Variants in RARS2 observed in about 807,000 individuals in gnomAD.
RARS2 encodes probable arginine--tRNA ligase, mitochondrial.
Under a neutral mutation model 88.5 loss-of-function variants are expected in RARS2, and 67 were observed. That is an observed-to-expected ratio of 0.76 (90% CI 0.62 to 0.93). RARS2 has a LOEUF of 0.93. Among genes scored for constraint, RARS2 ranks in the 40% least tolerant of loss-of-function variants. The pLI is 0.00. For missense variants in RARS2, 664 were observed against 684.2 expected (o/e 0.97, Z 0.33); for synonymous variants, 239 against 230.3 (o/e 1.04, Z -0.34).
intron 1 of RARS2, among the ~76,000 whole-genome samples, chr6:87,571,120 C>A (rs1019346310): frequency 1.3e-5 from 2 of 152,032 alleles, no homozygotes; most frequent in Non-Finnish European, 2.9e-5. Context: ...CTCCCATAAT[C>A]CCCACGTGTC....
chr6:87,589,853 C>T, intron 1 of RARS2, 69 bp downstream of exon 1: 2 of 1,613,922 alleles, frequency 1.2e-6, no homozygotes, highest in Non-Finnish European at 1.7e-6. Context: ...AGGACTGGCC[C>T]GCAGCGGTGA....
intron 8 of RARS2, among the ~76,000 whole-genome samples, chr6:87,538,673 G>A (rs1466328026): frequency 2.0e-5 from 3 of 151,904 alleles, no homozygotes; most frequent in Non-Finnish European, 2.9e-5. Context: ...GAGGTGGGAG[G>A]ATCACTTGAA....
At chr6:87,526,746 C>A (rs1775859601) in intron 10 of RARS2, among the ~76,000 whole-genome samples, 1 of 151,340 alleles carries the variant, frequency 6.6e-6, no homozygotes, top group African/African-American at 2.4e-5. Context: ...TCGTGGCTCA[C>A]CGCAACCTCT....
chr6:87,562,187 T>G (rs567398456), intron 4 of RARS2, among the ~76,000 whole-genome samples: 1 of 152,290 alleles, frequency 6.6e-6, no homozygotes, highest in African/African-American at 2.4e-5. Flanking sequence ...ACTTCCGGGC[T>G]CAAGTGATCC....
At chr6:87,538,165 A>G (rs1186800914) in intron 8 of RARS2, among the ~76,000 whole-genome samples, 1 of 152,236 alleles carries the variant, frequency 6.6e-6, no homozygotes, top group Non-Finnish European at 1.5e-5. Context: ...TAGGCTTTGC[A>G]TATTTTCTGT....
At chr6:87,528,573 A>C (rs9450728) in intron 10 of RARS2, among the ~76,000 whole-genome samples, 47,535 of 152,140 alleles carry the variant, frequency 0.31, 7,539 homozygotes, top group Admixed American at 0.41. Context: ...ATAAAAGGAA[A>C]TCCTGTCATT....
At chr6:87,584,802 T>C (rs1174119966) in intron 1 of RARS2, 1 of 444,786 alleles carries the variant, frequency 2.2e-6, no homozygotes, top group Admixed American at 2.4e-5. Context: ...TGTGCAGTTA[T>C]CTACCCCAAG....
intron 1 of RARS2, among the ~76,000 whole-genome samples, chr6:87,579,012 T>C (rs1490779920): frequency 2.5e-5 from 3 of 121,016 alleles, no homozygotes; most frequent in Non-Finnish European, 5.2e-5. Context: ...ACTGAATACA[T>C]ACAATATACC....
At chr6:87,582,319 T>C (rs879105681) in intron 1 of RARS2, among the ~76,000 whole-genome samples, 2 of 152,236 alleles carry the variant, frequency 1.3e-5, no homozygotes, top group Non-Finnish European at 2.9e-5. Flanking sequence ...TGAGATGGTA[T>C]CTCATTGTGG....
intron 19 of RARS2, 33 bp downstream of exon 19, chr6:87,514,924 G>C: frequency 6.5e-7 from 1 of 1,539,708 alleles, no homozygotes; most frequent in Non-Finnish European, 9.0e-7. Flanking sequence ...TCAGGAGCTA[G>C]GGATTATACA....
chr6:87,586,294 G>T (rs945442146), intron 1 of RARS2, among the ~76,000 whole-genome samples: 12 of 152,084 alleles, frequency 7.9e-5, no homozygotes, highest in African/African-American at 2.9e-4. Context: ...CTGAAGAAAG[G>T]AATCCAAATA....
chr6:87,547,533 T>A (rs947105235), intron 6 of RARS2, among the ~76,000 whole-genome samples: 1 of 152,228 alleles, frequency 6.6e-6, no homozygotes, highest in Non-Finnish European at 1.5e-5. Flanking sequence ...GTTTTTAAAT[T>A]GACCTGCTGT....
chr6:87,550,055 G>A lies in RARS2; in HGVS notation c.396-1409C>T, dbSNP rs763463204. 3.9e-5 allele frequency among the ~76,000 whole-genome samples: 6 copies of A among 152,108 alleles called. No homozygotes were observed. The South Asian group carries it at 6.2e-4, about 16-fold the overall frequency. ...TGTTATACACCCTTAAGGGTACTAC[G>A]ATTTAAAAACTTGATCCTATGGATA... On this transcript the variant is annotated intron_variant, in intron 5 of 19. Transcript: ENST00000369536.
chr6:87,514,578 T>G, intron 19 of RARS2, 79 bp from the exon 20 acceptor site: 1 of 1,235,318 alleles, frequency 8.1e-7, no homozygotes, highest in Non-Finnish European at 1.2e-6. Flanking sequence ...TTTTAAAGGT[T>G]ATTCTTTCTA....
In RARS2 at chr6:87,518,171, G is replaced by A; in HGVS notation, c.1509C>T (p.Leu503=). ...ATGATCCCTGGAAAACATCATACCT[G>A]AGAAGATGCTGAAGAATTGAAACAG... ...PQSVSILQHL[L]RFDEVLYKSS... is the part of the protein sequence containing the mutation. The change falls in exon 17 of 20, where the codon CTC becomes CTT. Residue 503 remains leucine, a splice_region_variant and synonymous_variant. Transcript: ENST00000369536. 1 of 1,614,142 alleles carries A rather than the reference G, an allele frequency of 6.2e-7. No homozygotes were observed. The highest frequency in any genetic ancestry group is 8.5e-7 in the Non-Finnish European group (1 of 1,180,012).
intron 5 of RARS2, among the ~76,000 whole-genome samples, chr6:87,549,755 A>G (rs75348899): frequency 0.027 from 4,127 of 152,254 alleles, 172 homozygotes; most frequent in African/African-American, 0.094. Flanking sequence ...CATGGGCATT[A>G]ACTCATTTAA....
Position 87,529,580 on chromosome 6 carries a change from T to TA in RARS2, c.839dup (p.Leu280PhefsTer7), listed in dbSNP as rs1188006437. On this transcript the variant is annotated frameshift_variant, in exon 10 of 20. Transcript: ENST00000369536. LOFTEE classifies it high-confidence loss of function. Reference sequence around the variant, plus strand: ...GGAGTCCTTTACTCTCCAGCAACTTTAAGACCTCTTGAGATTTTTCACGAT... The same window carrying TA: ...GGAGTCCTTTACTCTCCAGCAACTTTAAAGACCTCTTGAGATTTTTCACGAT... The TA allele has an allele frequency of 3.1e-6, 5 of 1,607,610 alleles. No individual in the cohort carries two copies. Among genetic ancestry groups the TA allele is most frequent in the Non-Finnish European group, 3.4e-6 (4 of 1,174,128 alleles).
chr6:87,520,377 G>T, intron 12 of RARS2, 121 bp from the exon 13 acceptor site: 1 of 761,376 alleles, frequency 1.3e-6, no homozygotes. Flanking sequence ...CAATTGATAT[G>T]TTTTAACTAA....
chr6:87,523,191 G>T (rs944047451), intron 11 of RARS2, among the ~76,000 whole-genome samples: 8 of 152,036 alleles, frequency 5.3e-5, no homozygotes, highest in Non-Finnish European at 8.8e-5. Flanking sequence ...AAACAAAAAA[G>T]AATAAGAAAA....
Sources: gnomAD v4.1 joint callset for allele counts (sites outside exome capture counted in the v4.1 genomes callset) on GRCh38, gnomAD v4.1.1 for gene constraint, MANE v1.5 for transcripts, NCBI Gene and HGNC (gene_info 2026-07-23, HGNC 2026-07-21) for gene names.